Variants in SPATA16 observed in about 807,000 individuals in gnomAD.
The protein encoded by SPATA16 is spermatogenesis-associated protein 16.
Under a neutral mutation model 63.3 loss-of-function variants are expected in SPATA16, and 36 were observed. That is an observed-to-expected ratio of 0.57 (90% confidence interval 0.44 to 0.75). The LOEUF (loss-of-function observed/expected upper bound fraction) is 0.75, where lower values mean the gene tolerates loss of function less well. Ranked by LOEUF, SPATA16 falls within the 30% of genes least tolerant of loss-of-function variation. SPATA16 has a pLI of 0.00. For synonymous variants in SPATA16, 203 were observed against 216.7 expected, an observed-to-expected ratio of 0.94 and a Z score of 0.56; for missense variants, 646 against 679.3, an observed-to-expected ratio of 0.95 and a Z score of 0.54.
chr3:173,132,910 C>T (rs1480396572), intron 1 of SPATA16, among the ~76,000 whole-genome samples: 2 of 152,048 alleles, frequency 1.3e-5, no homozygotes, highest in Non-Finnish European at 2.9e-5. Flanking sequence ...AGATTACTAC[C>T]CCCAACTCAG....
intron 2 of SPATA16, among the ~76,000 whole-genome samples, chr3:173,068,262 T>A (rs1219780142): frequency 6.6e-6 from 1 of 152,202 alleles, no homozygotes; most frequent in Admixed American, 6.5e-5. Flanking sequence ...AAGACAAACC[T>A]ATCAAAAATA....
At chr3:172,980,496 G>A (rs1734275517) in intron 4 of SPATA16, among the ~76,000 whole-genome samples, 1 of 152,144 alleles carries the variant, frequency 6.6e-6, no homozygotes, top group Non-Finnish European at 1.5e-5. Context: ...ATAAGATCAT[G>A]TTAGGCAAAC....
At chr3:173,026,084 T>G (rs1735446873) in intron 3 of SPATA16, among the ~76,000 whole-genome samples, 1 of 151,964 alleles carries the variant, frequency 6.6e-6, no homozygotes, top group Admixed American at 6.6e-5. Flanking sequence ...CCAGAACTGG[T>G]ATGATCAGCA....
chr3:173,082,337 T>G (rs1210875126), intron 2 of SPATA16, among the ~76,000 whole-genome samples: 2 of 152,216 alleles, frequency 1.3e-5, no homozygotes, highest in Admixed American at 6.5e-5. Context: ...ATTCTCAGAA[T>G]CCTTGGAGTT....
intron 4 of SPATA16, among the ~76,000 whole-genome samples, chr3:173,018,875 G>A (rs1243081612): frequency 2.6e-5 from 4 of 152,124 alleles, no homozygotes; most frequent in Non-Finnish European, 5.9e-5. Context: ...ATCCAGGAAG[G>A]AAAAAAGCCT....
chr3:172,938,288 G>C (rs994691827), intron 6 of SPATA16, among the ~76,000 whole-genome samples: 41 of 152,208 alleles, frequency 2.7e-4, no homozygotes, highest in African/African-American at 9.6e-4. Flanking sequence ...CCGTGATTTG[G>C]AAATTGTTAA....
At chr3:172,967,102 T>C (rs1440153470) in intron 5 of SPATA16, among the ~76,000 whole-genome samples, 1 of 152,212 alleles carries the variant, frequency 6.6e-6, no homozygotes, top group Non-Finnish European at 1.5e-5. Context: ...CCATGCAGAA[T>C]AGCCACAGGC....
At chr3:172,951,501 A>ATTTTT (rs1560076821) in intron 6 of SPATA16, among the ~76,000 whole-genome samples, 146 of 152,268 alleles carry the variant, frequency 9.6e-4, no homozygotes, top group African/African-American at 3.3e-3. Flanking sequence ...TAATTTAAAA[A>ATTTTT]AAAAAAAATT....
At chr3:172,924,552 A>T (rs1365504331) in intron 7 of SPATA16, among the ~76,000 whole-genome samples, 2 of 152,122 alleles carry the variant, frequency 1.3e-5, no homozygotes, top group Non-Finnish European at 2.9e-5. Context: ...GTGTTTCTTG[A>T]TTGAGAGATC....
intron 6 of SPATA16, among the ~76,000 whole-genome samples, chr3:172,940,761 C>T (rs1007536021): frequency 2.6e-5 from 4 of 151,832 alleles, no homozygotes; most frequent in African/African-American, 4.8e-5. Context: ...CTGAGGCAGG[C>T]GGATTGTCTG....
At chr3:172,892,222 G>A (rs1022433717) in intron 10 of SPATA16, among the ~76,000 whole-genome samples, 3 of 152,176 alleles carry the variant, frequency 2.0e-5, no homozygotes, top group African/African-American at 7.2e-5. Flanking sequence ...ACTTGAAACA[G>A]CCAGGAGTAG....
At chr3:172,995,471 A>G (rs1734674280) in intron 4 of SPATA16, among the ~76,000 whole-genome samples, 1 of 152,216 alleles carries the variant, frequency 6.6e-6, no homozygotes, top group Admixed American at 6.6e-5. Context: ...GAGAGTATAA[A>G]AGAATAGCAG....
At chr3:172,969,164 G>A (rs1560083214) in intron 5 of SPATA16, among the ~76,000 whole-genome samples, 1 of 152,186 alleles carries the variant, frequency 6.6e-6, no homozygotes, top group Non-Finnish European at 1.5e-5. Flanking sequence ...CTTCAGGGAT[G>A]TGAAGTACAC....
intron 10 of SPATA16, among the ~76,000 whole-genome samples, chr3:172,891,682 T>C (rs1204777010): frequency 6.6e-6 from 1 of 152,244 alleles, no homozygotes; most frequent in African/African-American, 2.4e-5. Flanking sequence ...TCAATCCATC[T>C]GCTTTAGCCA....
At position 172,964,709 on chromosome 3, in the gene SPATA16, C is replaced by A. The variant is rs562199295; in HGVS notation, c.934-7885G>T. Among the ~76,000 whole-genome samples, 3 of 152,114 alleles carry A rather than the reference C, an allele frequency of 2.0e-5. No homozygotes were observed. In the South Asian group the frequency reaches 6.2e-4, roughly 32 times the overall value. Reference sequence around the variant, plus strand: ...GTTGTTTTTTGATTGTATTTCTTGACCGTGGTTTTAAAGTGGGGTATGCCT... The same window carrying A: ...GTTGTTTTTTGATTGTATTTCTTGAACGTGGTTTTAAAGTGGGGTATGCCT... On this transcript the variant is annotated intron_variant, in intron 5 of 10. Transcript: ENST00000351008.
intron 4 of SPATA16, among the ~76,000 whole-genome samples, chr3:172,986,256 G>A (rs1734454563): frequency 6.6e-6 from 1 of 152,090 alleles, no homozygotes; most frequent in Non-Finnish European, 1.5e-5. Context: ...TACTGTTGTT[G>A]TTTGTTGTTG....
intron 2 of SPATA16, among the ~76,000 whole-genome samples, chr3:173,079,523 T>A (rs1460273100): frequency 6.6e-6 from 1 of 152,214 alleles, no homozygotes; most frequent in Non-Finnish European, 1.5e-5. Context: ...AAAGTAATGT[T>A]ATTGTTATAT....
intron 10 of SPATA16, among the ~76,000 whole-genome samples, chr3:172,908,371 A>T (rs528391504): frequency 9.8e-5 from 15 of 152,362 alleles, no homozygotes; most frequent in African/African-American, 3.4e-4. Context: ...ACCTACAGAC[A>T]TCTATCTTTC....
chr3:173,120,032 C>G (rs891895998), intron 1 of SPATA16, among the ~76,000 whole-genome samples: 2 of 150,964 alleles, frequency 1.3e-5, no homozygotes, highest in African/African-American at 4.9e-5. Flanking sequence ...GGTTGCAGTG[C>G]GCCAAGATCG....
Sources: allele counts gnomAD v4.1 joint callset (sites outside exome capture counted in the v4.1 genomes callset), GRCh38; gene constraint gnomAD v4.1.1; transcripts MANE v1.5; gene names NCBI Gene and HGNC (gene_info 2026-07-23, HGNC 2026-07-21).